Variants in IGF1R observed in about 807,000 individuals in gnomAD.
The protein encoded by IGF1R is insulin-like growth factor 1 receptor.
Under a neutral mutation model 144.6 loss-of-function variants are expected in IGF1R, and 44 were observed. The ratio of observed to expected loss-of-function variants is 0.30; its 90% CI spans 0.24 to 0.39. The LOEUF is 0.39. IGF1R is among the 10% of genes least tolerant of loss of function. The probability of loss-of-function intolerance (pLI) is 1.00; values close to 1 mark genes in which losing one functional copy is unlikely to be tolerated. For synonymous variants in IGF1R, 795 were observed against 722.8 expected (o/e 1.10, Z -1.60); for missense variants, 1,355 against 1,833.7 (o/e 0.74, Z 4.77).
intron 2 of IGF1R, among the ~76,000 whole-genome samples, chr15:98,780,899 A>G (rs928672241): frequency 2.6e-5 from 4 of 152,216 alleles, no homozygotes; most frequent in Non-Finnish European, 4.4e-5. Flanking sequence ...TTACTGAACA[A>G]TGTAGAAAAG....
At chr15:98,938,142 A>T (rs1375798702) in intron 17 of IGF1R, among the ~76,000 whole-genome samples, 1 of 152,216 alleles carries the variant, frequency 6.6e-6, no homozygotes, top group Admixed American at 6.5e-5. Context: ...GGCATTGACT[A>T]TGTGCCACGC....
rs2017179300 is a variant in IGF1R at position 98,960,473 on chromosome 15, T to G, written c.*3031T>G. The G allele has an allele frequency of 4.3e-6, 1 of 233,098 alleles. No homozygotes were observed. Among genetic ancestry groups the G allele is most frequent in the African/African-American group, 2.2e-5 (1 of 45,330 alleles). The allele number at this position is 233,098 out of a possible 1,614,324, so 14.4% of individuals were successfully genotyped here. A position where few individuals can be genotyped will look rare whatever the true frequency, so the allele number is the denominator to read the frequency against. The stretch of plus-strand genomic sequence containing the variant: ...CTGTGCAGATGGAATGACCAACACA[T>G]TTCGTCCTTAAGAGAGCAGTGGTTC... On this transcript the variant is annotated 3_prime_UTR_variant, in exon 21 of 21. Coordinates refer to ENST00000650285, the MANE Select transcript of IGF1R (RefSeq NM_000875.5).
At chr15:98,686,819 C>T (rs930131686) in intron 1 of IGF1R, among the ~76,000 whole-genome samples, 5 of 152,050 alleles carry the variant, frequency 3.3e-5, no homozygotes, top group African/African-American at 1.2e-4. Context: ...TATGTTCCTG[C>T]GCCATCACTC....
intron 11 of IGF1R, 136 bp downstream of exon 11, chr15:98,922,567 C>G: frequency 9.7e-7 from 1 of 1,034,874 alleles, no homozygotes. Flanking sequence ...AACGTGCAGT[C>G]ATTGGCAGGT....
chr15:98,793,401 A>C (rs1962722), intron 2 of IGF1R, among the ~76,000 whole-genome samples: 131,075 of 152,236 alleles, frequency 0.86, 58,333 homozygotes, highest in Non-Finnish European at 0.97. Context: ...GCCAGCTTAT[A>C]TGTAATCAGA....
At position 98,830,384 on chromosome 15, in the gene IGF1R, G is replaced by A. The variant is rs371042866; in HGVS notation, c.641-60941G>A. Among the ~76,000 whole-genome samples the A allele has an allele frequency of 2.6e-5, 4 of 152,272 alleles. No homozygotes were observed. The South Asian group carries it at 6.2e-4, about 24-fold the overall frequency. Reference sequence around the variant, plus strand: ...ACTGGCACTGGGGAAGCCTCCCATCGTCTCAGACTCAGGGTGTGTGAAAAA... The same window carrying A: ...ACTGGCACTGGGGAAGCCTCCCATCATCTCAGACTCAGGGTGTGTGAAAAA... On this transcript the variant is annotated intron_variant, in intron 2 of 20. Coordinates refer to ENST00000650285, the MANE Select transcript of IGF1R (RefSeq NM_000875.5).
chr15:98,699,422 G>T (rs1360969439), intron 1 of IGF1R, among the ~76,000 whole-genome samples: 2 of 152,218 alleles, frequency 1.3e-5, no homozygotes, highest in African/African-American at 4.8e-5. Flanking sequence ...GCTCTTCTAA[G>T]GGTGTTTTTT....
At chr15:98,658,510 G>A (rs766010978) in intron 1 of IGF1R, among the ~76,000 whole-genome samples, 1 of 152,192 alleles carries the variant, frequency 6.6e-6, no homozygotes, top group Non-Finnish European at 1.5e-5. Context: ...TGAGGAAATA[G>A]AATAGGTTTT....
intron 1 of IGF1R, among the ~76,000 whole-genome samples, chr15:98,682,466 T>C (rs750193487): frequency 6.6e-6 from 1 of 152,194 alleles, no homozygotes; most frequent in Non-Finnish European, 1.5e-5. Context: ...GTAGGCGATT[T>C]AGAAATAGTG....
intron 3 of IGF1R, 61 bp from the exon 4 acceptor site, chr15:98,896,696 T>G: frequency 1.3e-6 from 2 of 1,536,506 alleles, no homozygotes; most frequent in South Asian, 1.1e-5. Context: ...TATGGTTTTT[T>G]TAATGCAAGA....
At chr15:98,668,488 T>C (rs1266850219) in intron 1 of IGF1R, among the ~76,000 whole-genome samples, 3 of 152,228 alleles carry the variant, frequency 2.0e-5, no homozygotes, top group Non-Finnish European at 2.9e-5. Flanking sequence ...CACATTCGCC[T>C]CTGTAACCAA....
intron 1 of IGF1R, among the ~76,000 whole-genome samples, chr15:98,669,832 A>AG (rs977362809): frequency 1.1e-4 from 16 of 152,126 alleles, no homozygotes; most frequent in Non-Finnish European, 2.4e-4. Flanking sequence ...CAAAGCTCGG[A>AG]GGGGCATTTC....
chr15:98,963,900 A>G lies in IGF1R; in HGVS notation c.*6458A>G, dbSNP rs2017325141. ...GTTGGCCATGTCTCCCCAACTCCAC[A>G]ATATCTCTATCATGGGAAACACCTG... On this transcript the variant is annotated 3_prime_UTR_variant, in exon 21 of 21. Coordinates refer to ENST00000650285, the MANE Select transcript of IGF1R (RefSeq NM_000875.5). The G allele has an allele frequency of 4.3e-6, 1 of 233,190 alleles. No homozygotes were observed. Among genetic ancestry groups the G allele is most frequent in the Admixed American group, 5.6e-5 (1 of 17,786 alleles). 14.4% of individuals were successfully genotyped at this position (233,190 alleles called of 1,614,324 possible).
chr15:98,855,086 G>C (rs927031480), intron 2 of IGF1R, among the ~76,000 whole-genome samples: 1 of 152,184 alleles, frequency 6.6e-6, no homozygotes. Context: ...TGTTTTTCCT[G>C]TCAATCTTGC....
chr15:98,905,685 C>A (rs1354225566), intron 5 of IGF1R, among the ~76,000 whole-genome samples: 3 of 151,074 alleles, frequency 2.0e-5, no homozygotes, highest in Non-Finnish European at 3.0e-5. Flanking sequence ...AAAAAAAAAA[C>A]CTAATTTTTA....
At chr15:98,771,198 G>T (rs995150654) in intron 2 of IGF1R, among the ~76,000 whole-genome samples, 7 of 152,186 alleles carry the variant, frequency 4.6e-5, no homozygotes, top group Non-Finnish European at 8.8e-5. Context: ...AAGCACCCAC[G>T]TGGAGCTCAG....
At chr15:98,848,662 A>T (rs1045029636) in intron 2 of IGF1R, among the ~76,000 whole-genome samples, 2 of 152,168 alleles carry the variant, frequency 1.3e-5, no homozygotes, top group African/African-American at 4.8e-5. Flanking sequence ...CTCAGAATGT[A>T]TTGCTTTGAT....
At chr15:98,876,325 AAAGAG>A (rs911373570) in intron 2 of IGF1R, among the ~76,000 whole-genome samples, 13 of 151,086 alleles carry the variant, frequency 8.6e-5, no homozygotes, top group South Asian at 2.1e-4. Flanking sequence ...AAAAAAAAAA[AAAGAG>A]AGAGAGAGTC....
intron 2 of IGF1R, among the ~76,000 whole-genome samples, chr15:98,805,957 G>C (rs1248975280): frequency 6.6e-6 from 1 of 152,168 alleles, no homozygotes; most frequent in African/African-American, 2.4e-5. Context: ...TCAGTCCCAC[G>C]AGTCTGCCCT....
Sources: gnomAD v4.1 joint callset for allele counts (sites outside exome capture counted in the v4.1 genomes callset) on GRCh38, gnomAD v4.1.1 for gene constraint, MANE v1.5 for transcripts, NCBI Gene and HGNC (gene_info 2026-07-23, HGNC 2026-07-21) for gene names.